Variants in FRAS1 observed in about 807,000 individuals in gnomAD.
FRAS1 encodes extracellular matrix organizing protein FRAS1.
In FRAS1, 290 loss-of-function variants were observed where a neutral mutation model predicts 435.2. That is an observed-to-expected ratio of 0.67 (90% CI 0.61 to 0.73). FRAS1 has a LOEUF of 0.73. FRAS1 is among the 30% of genes least tolerant of loss of function. FRAS1 has a pLI of 0.00. For missense variants in FRAS1, 4,860 were observed against 5,001.5 expected (o/e 0.97, Z 0.85); for synonymous variants, 1,800 against 1,851.0 (o/e 0.97, Z 0.71).
rs528785194 is a variant in FRAS1 at position 78,442,560 on chromosome 4, C to T, written c.5665+1263C>T. The stretch of plus-strand genomic sequence containing the variant: ...GAAATGAAAGGATATCTACCCCAAA[C>T]ACCCCTTCTCTCTGCGTGGTTTCTT... On this transcript the variant is annotated intron_variant, in intron 41 of 73. Transcript: ENST00000512123. 8.2e-4 allele frequency among the ~76,000 whole-genome samples: 125 copies of T among 152,346 alleles called. 1 individual carries two copies. Among genetic ancestry groups the T allele is most frequent in the African/African-American group, 2.9e-3 (120 of 41,586 alleles).
At chr4:78,309,385 G>A (rs530145557) in intron 15 of FRAS1, among the ~76,000 whole-genome samples, 3 of 152,324 alleles carry the variant, frequency 2.0e-5, no homozygotes, top group African/African-American at 7.2e-5. Context: ...TTGAGAGATC[G>A]AGTTAAGATA....
chr4:78,148,139 A>AT lies in FRAS1; in HGVS notation c.108+82133dup, dbSNP rs562765944. 6.8e-3 allele frequency among the ~76,000 whole-genome samples: 1,025 copies of AT among 149,774 alleles called. 7 individuals are homozygous for AT. Among genetic ancestry groups the AT allele is most frequent in the Non-Finnish European group, 0.011 (713 of 67,214 alleles). The stretch of plus-strand genomic sequence containing the variant: ...AATGAGGAGTTATTTGGGATTGTTG[A>AT]TTTTTTTTTTAGAGGAGTAGAGAAA... On this transcript the variant is annotated intron_variant, in intron 2 of 73. Coordinates refer to ENST00000512123, the MANE Select transcript of FRAS1 (RefSeq NM_025074.7).
At position 78,511,234 on chromosome 4, in the gene FRAS1, T is replaced by C. The variant is rs757513630; in HGVS notation, c.9781-40T>C. The C allele has an allele frequency of 5.0e-5, 74 of 1,465,976 alleles. 1 individual carries two copies. In the Middle Eastern group the frequency reaches 9.8e-4, roughly 19 times the overall value. 90.8% of individuals were successfully genotyped at this position (1,465,976 alleles called of 1,614,324 possible). ...CAGATCATGTAAGGAGCTGTTTAAGTAGGGTACTCACATTGGAGGTGATTT... is the reference window on the plus strand; with the variant it reads ...CAGATCATGTAAGGAGCTGTTTAAGCAGGGTACTCACATTGGAGGTGATTT... On this transcript the variant is annotated intron_variant, in intron 63 of 73. Transcript: ENST00000512123.
intron 54 of FRAS1, among the ~76,000 whole-genome samples, chr4:78,476,865 T>A (rs909592577): frequency 3.3e-5 from 5 of 152,202 alleles, no homozygotes; most frequent in African/African-American, 1.2e-4. Flanking sequence ...TATGTCTGTT[T>A]TTTGTACATA....
intron 20 of FRAS1, among the ~76,000 whole-genome samples, chr4:78,338,706 A>G (rs1487236660): frequency 3.3e-5 from 5 of 152,154 alleles, no homozygotes; most frequent in Non-Finnish European, 5.9e-5. Flanking sequence ...GGAGCAGGGA[A>G]GAGGCATGGC....
intron 2 of FRAS1, among the ~76,000 whole-genome samples, chr4:78,196,904 A>C (rs963409489): frequency 1.3e-5 from 2 of 152,146 alleles, no homozygotes; most frequent in Admixed American, 1.3e-4. Flanking sequence ...TGTTTATAGA[A>C]CTTTTGAAAC....
intron 49 of FRAS1, among the ~76,000 whole-genome samples, chr4:78,464,928 G>A (rs1051007367): frequency 7.2e-5 from 11 of 152,174 alleles, no homozygotes; most frequent in Admixed American, 6.5e-4. Flanking sequence ...AGCATGAACA[G>A]GGATTTTCTA....
chr4:78,084,640 ACT>A, intron 2 of FRAS1, among the ~76,000 whole-genome samples: 1 of 152,042 alleles, frequency 6.6e-6, no homozygotes, highest in South Asian at 2.1e-4. Context: ...ATCCCAGTAG[ACT>A]CTGATAGATT....
intron 2 of FRAS1, among the ~76,000 whole-genome samples, chr4:78,151,884 G>A (rs946356737): frequency 8.5e-5 from 13 of 152,146 alleles, no homozygotes; most frequent in Admixed American, 2.0e-4. Flanking sequence ...AACCAGCAGA[G>A]TGCTAAGGCC....
chr4:78,369,651 C>T (rs1295042815), intron 22 of FRAS1, among the ~76,000 whole-genome samples, 187 bp from the exon 23 acceptor site: 5 of 152,110 alleles, frequency 3.3e-5, no homozygotes, highest in Non-Finnish European at 7.4e-5. Flanking sequence ...ATAAGATTAC[C>T]CTTTTCTATT....
intron 64 of FRAS1, among the ~76,000 whole-genome samples, chr4:78,512,574 C>T (rs981713201): frequency 3.9e-5 from 6 of 152,212 alleles, no homozygotes; most frequent in African/African-American, 1.4e-4. Context: ...ATTTATTAAA[C>T]TCATTTCTTA....
intron 2 of FRAS1, among the ~76,000 whole-genome samples, chr4:78,196,971 G>C (rs371692523): frequency 6.6e-6 from 1 of 152,202 alleles, no homozygotes; most frequent in Admixed American, 6.5e-5. Context: ...AAAAACAAGA[G>C]AGAGAAGTGG....
intron 22 of FRAS1, among the ~76,000 whole-genome samples, chr4:78,364,283 T>C (rs1470976676): frequency 6.6e-6 from 1 of 152,216 alleles, no homozygotes; most frequent in Non-Finnish European, 1.5e-5. Flanking sequence ...CCTCTGTAAA[T>C]GCCAGCTGTA....
rs529187879 is a variant in FRAS1, at chr4:78,375,637, A to C, written c.3152-102A>C. The C allele has an allele frequency of 8.1e-6, 8 of 991,388 alleles. No individual in the cohort carries two copies. In the South Asian group the frequency reaches 1.5e-4, roughly 19 times the overall value. 61.4% of individuals were successfully genotyped at this position (991,388 alleles called of 1,614,324 possible). A position where few individuals can be genotyped will look rare whatever the true frequency, so the allele number is the denominator to read the frequency against. ...TTCTCTTTTGTTACAGTTGGGGCTCATTTGTTGCATGTGCTCTGACTCTTC... is the reference window on the plus strand; with the variant it reads ...TTCTCTTTTGTTACAGTTGGGGCTCCTTTGTTGCATGTGCTCTGACTCTTC... On this transcript the variant is annotated intron_variant, in intron 25 of 73. Transcript: ENST00000512123.
At chr4:78,221,326 ATACTG>A (rs1276008906) in intron 2 of FRAS1, among the ~76,000 whole-genome samples, 3 of 152,238 alleles carry the variant, frequency 2.0e-5, no homozygotes, top group Non-Finnish European at 4.4e-5. Flanking sequence ...CTTATTATAA[ATACTG>A]TACGTACACA....
intron 54 of FRAS1, 40 bp downstream of exon 54, chr4:78,475,646 G>GC (rs778263358): frequency 1.3e-6 from 2 of 1,485,540 alleles, no homozygotes; most frequent in Admixed American, 2.2e-5. Flanking sequence ...TCCAGCAAGG[G>GC]CTGTGACATG....
intron 66 of FRAS1, among the ~76,000 whole-genome samples, chr4:78,518,422 G>GTATATATATATATATATA (rs71216219): frequency 3.2e-4 from 44 of 135,708 alleles, no homozygotes; most frequent in African/African-American, 1.2e-3. Flanking sequence ...TTTTTGTTGT[G>GTATATATATATATATATA]TATATATATA....
At chr4:78,384,193 C>G in intron 28 of FRAS1, 50 bp downstream of exon 28, 1 of 1,223,650 alleles carries the variant, frequency 8.2e-7, no homozygotes. Flanking sequence ...TACTAGTTCT[C>G]AAGCACGAAA....
chr4:78,102,379 C>T (rs1054680954), intron 2 of FRAS1, among the ~76,000 whole-genome samples: 2 of 152,120 alleles, frequency 1.3e-5, no homozygotes, highest in African/African-American at 4.8e-5. Context: ...ACTAATGGCT[C>T]AATTCTTTAG....
Sources: gnomAD v4.1 joint callset for allele counts (sites outside exome capture counted in the v4.1 genomes callset) on GRCh38, gnomAD v4.1.1 for gene constraint, MANE v1.5 for transcripts, NCBI Gene and HGNC (gene_info 2026-07-23, HGNC 2026-07-21) for gene names.